PPP1R2: variants seen among roughly 807,000 people sequenced by gnomAD.
PPP1R2 encodes protein phosphatase inhibitor 2.
Under a neutral mutation model 29.9 loss-of-function variants are expected in PPP1R2, and 16 were observed. That is an observed-to-expected ratio of 0.53 (90% CI 0.36 to 0.81). PPP1R2 has a LOEUF of 0.81. Among genes scored for constraint, PPP1R2 ranks in the 30% least tolerant of loss-of-function variants. The probability of loss-of-function intolerance (pLI) is 0.00; values close to 1 mark genes in which losing one functional copy is unlikely to be tolerated. For synonymous variants in PPP1R2, 76 were observed against 91.5 expected, an observed-to-expected ratio of 0.83 and a Z score of 0.96; for missense variants, 197 against 252.7, an observed-to-expected ratio of 0.78 and a Z score of 1.49.
intron 1 of PPP1R2, among the ~76,000 whole-genome samples, chr3:195,531,891 C>T (rs1236970759): frequency 1.3e-5 from 2 of 152,210 alleles, no homozygotes; most frequent in Admixed American, 6.5e-5. Flanking sequence ...CTGGCAACCA[C>T]CATTCTACTT....
chr3:195,521,709 G>A (rs1718769810), intron 4 of PPP1R2, among the ~76,000 whole-genome samples: 1 of 152,068 alleles, frequency 6.6e-6, no homozygotes, highest in Admixed American at 6.5e-5. Flanking sequence ...GGAGTGCAGT[G>A]GCATGATACC....
intron 1 of PPP1R2, among the ~76,000 whole-genome samples, chr3:195,541,890 C>G (rs919824633): frequency 6.6e-6 from 1 of 152,136 alleles, no homozygotes; most frequent in African/African-American, 2.4e-5. Context: ...AAATTTACCA[C>G]CACCAAGCAG....
chr3:195,528,661 A>G (rs1719063115), intron 2 of PPP1R2: 1 of 135,664 alleles, frequency 7.4e-6, no homozygotes. Context: ...AATCTTGGAA[A>G]TCTTTTATTT....
chr3:195,526,927 G>A (rs954650680), intron 2 of PPP1R2, among the ~76,000 whole-genome samples: 7 of 151,998 alleles, frequency 4.6e-5, no homozygotes, highest in Admixed American at 3.3e-4. Context: ...GGTTATAGGC[G>A]CCCACCACCA....
intron 1 of PPP1R2, among the ~76,000 whole-genome samples, chr3:195,539,671 G>A (rs934841465): frequency 6.6e-6 from 1 of 152,120 alleles, no homozygotes. Flanking sequence ...GGCAGAATGA[G>A]ATCTTGTCTC....
chr3:195,521,117 C>T (rs1327656204), intron 4 of PPP1R2, among the ~76,000 whole-genome samples: 1 of 151,824 alleles, frequency 6.6e-6, no homozygotes, highest in African/African-American at 2.4e-5. Context: ...AGTTTGAGAA[C>T]ATCCTGGCTA....
chr3:195,527,535 T>C (rs553463561), intron 2 of PPP1R2, among the ~76,000 whole-genome samples: 6 of 152,148 alleles, frequency 3.9e-5, no homozygotes, highest in African/African-American at 1.4e-4. Flanking sequence ...AGTGCTGAGA[T>C]TACAGGCGTT....
chr3:195,537,111 AAAAT>A (rs1438409903), intron 1 of PPP1R2, among the ~76,000 whole-genome samples: 4 of 152,010 alleles, frequency 2.6e-5, no homozygotes, highest in Admixed American at 6.6e-5. Flanking sequence ...TCAAAACATA[AAAAT>A]ATATATAACT....
At chr3:195,540,231 A>G (rs1276363480) in intron 1 of PPP1R2, among the ~76,000 whole-genome samples, 1 of 152,152 alleles carries the variant, frequency 6.6e-6, no homozygotes, top group Non-Finnish European at 1.5e-5. Flanking sequence ...CAGCCGAGGT[A>G]GCATGTTCCC....
At chr3:195,535,171 C>T (rs866620265) in intron 1 of PPP1R2, among the ~76,000 whole-genome samples, 3 of 152,182 alleles carry the variant, frequency 2.0e-5, no homozygotes, top group African/African-American at 7.2e-5. Context: ...AGGCATTAGA[C>T]TCTCATAAGG....
Position 195,519,352 on chromosome 3 carries a change from T to C in PPP1R2, c.404-167A>G, listed in dbSNP as rs1577562848. On this transcript the variant is annotated intron_variant, in intron 4 of 5. Transcript: ENST00000618156. The stretch of plus-strand genomic sequence containing the variant: ...TTGAGTAGTTCGTAATAGAGACCAC[T>C]GGGCCCTGCAAAATTTAAAATATTT... The C allele has an allele frequency of 3.0e-5, 15 of 495,578 alleles. No homozygotes were observed. The East Asian group carries it at 5.1e-4, about 17-fold the overall frequency. 30.7% of individuals were successfully genotyped at this position (495,578 alleles called of 1,614,324 possible).
chr3:195,517,018 A>G (rs1342611326), intron 5 of PPP1R2, 76 bp from the exon 6 acceptor site: 9 of 1,122,010 alleles, frequency 8.0e-6, no homozygotes, highest in African/African-American at 1.6e-5. Context: ...TTCTATTAGC[A>G]TGCATGACAA....
Position 195,523,690 on chromosome 3 carries a change from A to T in PPP1R2, c.403+2T>A. The T allele has an allele frequency of 6.2e-7, 1 of 1,611,034 alleles. No homozygotes were observed. On this transcript the variant is annotated splice_donor_variant, in intron 4 of 5. Transcript: ENST00000618156. LOFTEE classifies it high-confidence loss of function. Reference sequence around the variant, plus strand: ...ATGAAAGCAGTAAAGGAAATAAACTACCTCGTTCTTCAGGTGAGAGGTCAC... The same window carrying T: ...ATGAAAGCAGTAAAGGAAATAAACTTCCTCGTTCTTCAGGTGAGAGGTCAC...
chr3:195,538,244 G>C (rs931919012), intron 1 of PPP1R2, among the ~76,000 whole-genome samples: 4 of 152,182 alleles, frequency 2.6e-5, no homozygotes, highest in African/African-American at 9.7e-5. Flanking sequence ...TAGCTCATAT[G>C]GTGCCACCTT....
At chr3:195,518,696 G>A (rs1352290369) in intron 5 of PPP1R2, among the ~76,000 whole-genome samples, 1 of 151,580 alleles carries the variant, frequency 6.6e-6, no homozygotes, top group Admixed American at 6.6e-5. Context: ...ATTTTAGATC[G>A]TTATGACAAA....
intron 4 of PPP1R2, chr3:195,523,118 G>A (rs1331999934): frequency 3.9e-5 from 6 of 152,850 alleles, no homozygotes; most frequent in East Asian, 1.9e-4. Flanking sequence ...CAGAAAGCAC[G>A]AGCAGGCAGC....
chr3:195,542,863 C>G, intron 1 of PPP1R2, 41 bp downstream of exon 1: 1 of 1,572,254 alleles, frequency 6.4e-7, no homozygotes. Flanking sequence ...ACGGGCCCGG[C>G]GGGAAGGAGG....
intron 1 of PPP1R2, among the ~76,000 whole-genome samples, chr3:195,537,383 A>G (rs1719430395): frequency 6.6e-6 from 1 of 152,126 alleles, no homozygotes; most frequent in Non-Finnish European, 1.5e-5. Flanking sequence ...TAAGAACTTT[A>G]TAGTTCACTC....
intron 2 of PPP1R2, 64 bp from the exon 3 acceptor site, chr3:195,524,960 G>A (rs1056260115): frequency 7.2e-7 from 1 of 1,387,918 alleles, no homozygotes; most frequent in Non-Finnish European, 1.0e-6. Flanking sequence ...AAAAACAAGG[G>A]AGAAAAACAA....
Sources: allele counts gnomAD v4.1 joint callset (sites outside exome capture counted in the v4.1 genomes callset), GRCh38; gene constraint gnomAD v4.1.1; transcripts MANE v1.5; gene names NCBI Gene and HGNC (gene_info 2026-07-23, HGNC 2026-07-21).